Variants in PXDC1 observed in about 807,000 individuals in gnomAD.
PXDC1 encodes PX domain containing 1, also known as PX domain-containing protein 1.
In PXDC1, 13 loss-of-function variants were observed where a neutral mutation model predicts 24.4. That is an observed-to-expected ratio of 0.53 (90% CI 0.35 to 0.85). The LOEUF (loss-of-function observed/expected upper bound fraction) is 0.85. PXDC1 is among the 40% of genes least tolerant of loss of function. The pLI is 0.01. For synonymous variants in PXDC1, 162 were observed against 124.9 expected (o/e 1.30, Z -1.98); for missense variants, 344 against 309.3 (o/e 1.11, Z -0.84).
intron 3 of PXDC1, among the ~76,000 whole-genome samples, chr6:3,736,244 C>A (rs1424158512): frequency 6.6e-6 from 1 of 152,168 alleles, no homozygotes; most frequent in Admixed American, 6.5e-5. Context: ...CCTCCTTCTC[C>A]CCTGCTTCCT....
At chr6:3,739,425 T>A (rs12193130) in intron 1 of PXDC1, among the ~76,000 whole-genome samples, 11,415 of 152,338 alleles carry the variant, frequency 0.075, 470 homozygotes, top group Non-Finnish European at 0.098. Flanking sequence ...GCATCCCTGC[T>A]TAGCAGTGGG....
At chr6:3,748,499 C>G (rs1444619066) in intron 1 of PXDC1, among the ~76,000 whole-genome samples, 1 of 152,092 alleles carries the variant, frequency 6.6e-6, no homozygotes, top group Non-Finnish European at 1.5e-5. Flanking sequence ...TTGACATATC[C>G]CTGCAGATGT....
Position 3,737,468 on chromosome 6 carries a change from C to T in PXDC1, c.349-272G>A, listed in dbSNP as rs988049739. The T allele has an allele frequency of 6.4e-5, 11 of 171,934 alleles. No individual in the cohort carries two copies. The highest frequency in any genetic ancestry group is 9.6e-5 in the African/African-American group (4 of 41,782). 10.7% of individuals were successfully genotyped at this position (171,934 alleles called of 1,614,324 possible). On this transcript the variant is annotated intron_variant, in intron 2 of 4. Coordinates refer to ENST00000380283, the MANE Select transcript of PXDC1 (RefSeq NM_183373.4). The surrounding 1 kb of genome is among the most constrained non-coding windows in gnomAD (Gnocchi z 5.5). ...GGCTCTGATGTGCCAGTTTCACTTG[C>T]GCCTCCCTCCCTCTATAGTCAACTG...
At chr6:3,738,951 G>C in intron 1 of PXDC1, 2 of 1,298,546 alleles carry the variant, frequency 1.5e-6, no homozygotes, top group Non-Finnish European at 1.0e-6. Flanking sequence ...TTGTGTGACC[G>C]AGGCTGATGC....
intron 1 of PXDC1, among the ~76,000 whole-genome samples, chr6:3,742,481 G>T (rs1760469729): frequency 6.6e-6 from 1 of 152,190 alleles, no homozygotes; most frequent in Non-Finnish European, 1.5e-5. Context: ...ACCGCAGGCA[G>T]GTGAAGAGGG....
intron 1 of PXDC1, among the ~76,000 whole-genome samples, chr6:3,746,553 G>A (rs1030713760): frequency 6.6e-6 from 1 of 152,096 alleles, no homozygotes; most frequent in Non-Finnish European, 1.5e-5. Flanking sequence ...GCAGAATGAC[G>A]CAGGTGAATT....
intron 1 of PXDC1, chr6:3,738,847 C>T (rs537523840): frequency 1.2e-5 from 16 of 1,303,248 alleles, no homozygotes; most frequent in African/African-American, 9.1e-5. Flanking sequence ...CCATGAGAAG[C>T]GCAGAGCAGA....
chr6:3,731,043 C>T (rs1357758138), intron 3 of PXDC1, among the ~76,000 whole-genome samples: 1 of 152,192 alleles, frequency 6.6e-6, no homozygotes, highest in Non-Finnish European at 1.5e-5. Flanking sequence ...ATACTGAGGG[C>T]TCAATAAAGA....
At chr6:3,738,223 G>A (rs1233349690) in intron 1 of PXDC1, 75 bp from the exon 2 acceptor site, 7 of 1,138,422 alleles carry the variant, frequency 6.1e-6, no homozygotes, top group Admixed American at 1.7e-5. Flanking sequence ...TACACAACAG[G>A]TGCCCACAAA....
At chr6:3,732,981 C>A (rs1415799507) in intron 3 of PXDC1, among the ~76,000 whole-genome samples, 1 of 152,226 alleles carries the variant, frequency 6.6e-6, no homozygotes, top group Admixed American at 6.5e-5. Context: ...CCTGCAGGGC[C>A]ACAGTCCATG....
rs1189346409 is a variant in PXDC1, at chr6:3,723,487, G to C, written c.*132C>G. ...CACTTGCAGGACACCCAGGCCTCCTGGCGTCAGTGGGGCCTGGGACGTCTG... is the reference window on the plus strand; with the variant it reads ...CACTTGCAGGACACCCAGGCCTCCTCGCGTCAGTGGGGCCTGGGACGTCTG... On this transcript the variant is annotated 3_prime_UTR_variant, in exon 5 of 5. Coordinates refer to ENST00000380283, the MANE Select transcript of PXDC1 (RefSeq NM_183373.4). 4.1e-6 allele frequency: 3 copies of C among 727,864 alleles called. No individual in the cohort carries two copies. The African/African-American group carries it at 5.3e-5, about 13-fold the overall frequency. 45.1% of individuals were successfully genotyped at this position (727,864 alleles called of 1,614,324 possible).
rs1314718824 is a variant in PXDC1, at chr6:3,751,095, C to G, written c.256+181G>C. The G allele has an allele frequency of 7.7e-6, 4 of 521,460 alleles. No homozygotes were observed. The East Asian group carries it at 1.4e-4, about 18-fold the overall frequency. 32.3% of individuals were successfully genotyped at this position (521,460 alleles called of 1,614,324 possible). A position where few individuals can be genotyped will look rare whatever the true frequency, so the allele number is the denominator to read the frequency against. ...CCCCCAGGCTGGGCAGGCTGGCTCC[C>G]CGTCCCCCTAACCCCGCCGCCCGGG... On this transcript the variant is annotated intron_variant, in intron 1 of 4. Transcript: ENST00000380283.
At chr6:3,732,244 G>A (rs530497698) in intron 3 of PXDC1, among the ~76,000 whole-genome samples, 24 of 152,264 alleles carry the variant, frequency 1.6e-4, no homozygotes, top group Admixed American at 1.1e-3. Context: ...GGTCTCAGCC[G>A]TGAAAGCATT....
chr6:3,745,819 A>G (rs1017367246), intron 1 of PXDC1, among the ~76,000 whole-genome samples: 7 of 152,138 alleles, frequency 4.6e-5, no homozygotes, highest in African/African-American at 1.7e-4. Flanking sequence ...CCCCCTCTGC[A>G]CCCGCTGTCC....
chr6:3,736,364 T>G (rs989652601), intron 3 of PXDC1, among the ~76,000 whole-genome samples: 1 of 151,798 alleles, frequency 6.6e-6, no homozygotes, highest in Admixed American at 6.6e-5. Context: ...CTCTCATGAG[T>G]CCCCCCTTCC....
At chr6:3,739,684 C>A (rs951731583) in intron 1 of PXDC1, among the ~76,000 whole-genome samples, 4 of 152,384 alleles carry the variant, frequency 2.6e-5, no homozygotes, top group Non-Finnish European at 5.9e-5. Flanking sequence ...CACGCCGGGG[C>A]AAGCAGGGTG....
At chr6:3,738,832 T>C in intron 1 of PXDC1, 1 of 1,303,368 alleles carries the variant, frequency 7.7e-7, no homozygotes, top group South Asian at 1.2e-5. Context: ...TGCTTTTCTA[T>C]CTCCCCATGA....
intron 1 of PXDC1, among the ~76,000 whole-genome samples, chr6:3,746,423 C>T (rs1204476136): frequency 6.6e-6 from 1 of 152,246 alleles, no homozygotes; most frequent in East Asian, 1.9e-4. Flanking sequence ...CCATGGGAGC[C>T]CTGGCAGGGC....
chr6:3,749,245 C>T (rs528510853), intron 1 of PXDC1, among the ~76,000 whole-genome samples: 1 of 151,050 alleles, frequency 6.6e-6, no homozygotes, highest in African/African-American at 2.4e-5. Flanking sequence ...GCAGCTCCAA[C>T]AGTTCCACGG....
Sources: allele counts gnomAD v4.1 joint callset (sites outside exome capture counted in the v4.1 genomes callset), GRCh38; gene constraint gnomAD v4.1.1; non-coding constraint Gnocchi (gnomAD v3.1); transcripts MANE v1.5; gene names NCBI Gene and HGNC (gene_info 2026-07-23, HGNC 2026-07-21).